Variants in ANKAR observed in about 807,000 individuals in gnomAD.
ANKAR encodes ankyrin and armadillo repeat containing.
A neutral mutation model predicts 146.2 loss-of-function variants in ANKAR; 136 were observed. That is an observed-to-expected ratio of 0.93 (90% CI 0.81 to 1.07). ANKAR has a LOEUF of 1.07. Ranked by LOEUF, ANKAR falls within the 50% of genes least tolerant of loss-of-function variation. ANKAR has a pLI of 0.00. For synonymous variants in ANKAR, 500 were observed against 575.8 expected, an observed-to-expected ratio of 0.87 and a Z score of 1.88; for missense variants, 1,567 against 1,679.9, an observed-to-expected ratio of 0.93 and a Z score of 1.18.
chr2:189,744,791 A>C lies in ANKAR; in HGVS notation c.4057+3A>C, dbSNP rs573379573. The stretch of plus-strand genomic sequence containing the variant: ...CATAATTCCTATCTTTAAAAGAGGT[A>C]ATTGATTTTTCTTTTATCTATGAAG... On this transcript the variant is annotated splice_donor_region_variant and intron_variant, in intron 22 of 22. Coordinates refer to ENST00000684021, the MANE Select transcript of ANKAR (RefSeq NM_001378068.1). The C allele has an allele frequency of 3.8e-6, 6 of 1,578,010 alleles. No individual in the cohort carries two copies. In the East Asian group the frequency reaches 9.0e-5, roughly 24 times the overall value.
chr2:189,732,554 G>A (rs922595066), intron 16 of ANKAR, among the ~76,000 whole-genome samples: 2 of 151,124 alleles, frequency 1.3e-5, no homozygotes, highest in African/African-American at 4.9e-5. Context: ...CCAGCTACTC[G>A]GGAGGCTGGA....
rs138920897 is a variant in ANKAR at position 189,687,425 on chromosome 2, G to A, written c.602-2102G>A. Among the ~76,000 whole-genome samples the A allele has an allele frequency of 5.0e-3, 762 of 152,248 alleles. 8 individuals carry two copies. Among genetic ancestry groups the A allele is most frequent in the African/African-American group, 0.017 (716 of 41,546 alleles). The stretch of plus-strand genomic sequence containing the variant: ...TACGAACAGTGCTGCCACAAACGTG[G>A]GAGTGCAGATACCCTTTGATATTCC... On this transcript the variant is annotated intron_variant, in intron 2 of 22. Coordinates refer to ENST00000684021, the MANE Select transcript of ANKAR (RefSeq NM_001378068.1).
At chr2:189,694,637 A>G (rs537111655) in intron 5 of ANKAR, among the ~76,000 whole-genome samples, 3 of 152,326 alleles carry the variant, frequency 2.0e-5, no homozygotes, top group African/African-American at 7.2e-5. Flanking sequence ...GGAGCCAGAT[A>G]TAGACATAAT....
At chr2:189,732,437 G>A (rs114001477) in intron 16 of ANKAR, among the ~76,000 whole-genome samples, 2,392 of 152,086 alleles carry the variant, frequency 0.016, 61 homozygotes, top group African/African-American at 0.055. Context: ...CAAAGCAGGC[G>A]GATCATGAGG....
chr2:189,710,975 C>A (rs2039606634), intron 9 of ANKAR, 74 bp from the exon 10 acceptor site: 1 of 1,305,722 alleles, frequency 7.7e-7, no homozygotes. Context: ...TTAGCTGGTA[C>A]AAAAAACAGA....
intron 22 of ANKAR, among the ~76,000 whole-genome samples, chr2:189,746,077 G>A (rs115143828): frequency 6.6e-6 from 1 of 152,252 alleles, no homozygotes; most frequent in African/African-American, 2.4e-5. Flanking sequence ...TCAATATCAA[G>A]TCCATCATTT....
chr2:189,727,822 G>A, intron 12 of ANKAR, 34 bp from the exon 13 acceptor site: 1 of 1,598,996 alleles, frequency 6.3e-7, no homozygotes, highest in Non-Finnish European at 8.5e-7. Context: ...TTTTTCATAA[G>A]GTTTATTTAA....
chr2:189,701,297 A>G (rs1023977226), intron 7 of ANKAR, among the ~76,000 whole-genome samples: 3 of 151,712 alleles, frequency 2.0e-5, no homozygotes, highest in African/African-American at 7.3e-5. Context: ...CAGTGGCATG[A>G]TCTTAGCTTA....
intron 10 of ANKAR, among the ~76,000 whole-genome samples, chr2:189,711,505 T>A (rs2039675860): frequency 6.6e-6 from 1 of 152,236 alleles, no homozygotes; most frequent in Non-Finnish European, 1.5e-5. Flanking sequence ...CTTTTGAAAT[T>A]AAAAATAGCA....
intron 11 of ANKAR, 97 bp from the exon 12 acceptor site, chr2:189,720,522 A>C: frequency 1.3e-6 from 1 of 787,816 alleles, no homozygotes; most frequent in Non-Finnish European, 1.7e-6. Context: ...CTGGGATTAC[A>C]GGCGTGAGCC....
intron 20 of ANKAR, among the ~76,000 whole-genome samples, chr2:189,742,902 C>CACA (rs1559147476): frequency 4.5e-5 from 1 of 22,190 alleles, no homozygotes; most frequent in African/African-American, 1.4e-4. Flanking sequence ...ACTAGAATTA[C>CACA]CTGACACACA....
Position 189,752,818 on chromosome 2 carries a change from A to G in ANKAR, c.*584+8030A>G, listed in dbSNP as rs746503805. 15 of 1,613,392 alleles carry G rather than the reference A, an allele frequency of 9.3e-6. No homozygotes were observed. The African/African-American group carries it at 2.0e-4, about 22-fold the overall frequency. ...AATGGCAATTAATATTTACATAGTT[A>G]TGAGTGAAGCACGTATATCCTGTGG... On this transcript the variant is annotated intron_variant and NMD_transcript_variant, in intron 18 of 18. Transcript: ENST00000441800.
At chr2:189,681,375 A>T (rs1432828531) in intron 2 of ANKAR, among the ~76,000 whole-genome samples, 1 of 152,210 alleles carries the variant, frequency 6.6e-6, no homozygotes, top group Non-Finnish European at 1.5e-5. Context: ...AGTTAGTTAC[A>T]TCAAGCCACT....
intron 9 of ANKAR, among the ~76,000 whole-genome samples, chr2:189,709,833 A>G (rs1296062086): frequency 1.3e-5 from 2 of 152,318 alleles, no homozygotes; most frequent in Admixed American, 6.5e-5. Context: ...TACTTTTACT[A>G]AACTAAATCA....
intron 3 of ANKAR, among the ~76,000 whole-genome samples, chr2:189,691,286 C>T (rs181230362): frequency 6.6e-6 from 1 of 152,330 alleles, no homozygotes; most frequent in East Asian, 1.9e-4. Flanking sequence ...GGACTCCTGA[C>T]CTCAGGTGAT....
intron 20 of ANKAR, 109 bp downstream of exon 20, chr2:189,741,560 A>G (rs1390343408): frequency 1.3e-5 from 8 of 608,422 alleles, no homozygotes; most frequent in Non-Finnish European, 2.1e-5. Context: ...TAGATATAAT[A>G]TAATTCTTAT....
At chr2:189,723,168 T>C (rs181954019) in intron 12 of ANKAR, among the ~76,000 whole-genome samples, 42 of 152,300 alleles carry the variant, frequency 2.8e-4, no homozygotes, top group African/African-American at 9.4e-4. Context: ...TAAGATTTCA[T>C]GTATTAAAAT....
chr2:189,758,775 TGAGA>T (rs1387796542), intron 18 of ANKAR, among the ~76,000 whole-genome samples: 1 of 152,176 alleles, frequency 6.6e-6, no homozygotes, highest in Non-Finnish European at 1.5e-5. Flanking sequence ...TAGACTCTAC[TGAGA>T]GAGATTATAC....
chr2:189,692,513 C>T (rs1293885633), intron 4 of ANKAR, 95 bp downstream of exon 4: 2 of 1,076,488 alleles, frequency 1.9e-6, no homozygotes, highest in Non-Finnish European at 2.6e-6. Flanking sequence ...AGGCACTCGA[C>T]AGCTCTCCAA....
Sources: gnomAD v4.1 joint callset for allele counts (sites outside exome capture counted in the v4.1 genomes callset) on GRCh38, gnomAD v4.1.1 for gene constraint, MANE v1.5 for transcripts, NCBI Gene and HGNC (gene_info 2026-07-23, HGNC 2026-07-21) for gene names.